Variants in C8orf34 observed in about 807,000 individuals in gnomAD.
The protein encoded by C8orf34 is uncharacterized protein C8orf34.
C8orf34 carries 65 observed loss-of-function variants against 68.3 expected under a neutral mutation model. The observed-to-expected ratio is 0.95, with a 90% confidence interval of 0.78 to 1.17. C8orf34 has a LOEUF of 1.17. C8orf34 is among the 50% of genes most tolerant of loss of function. C8orf34 has a pLI of 0.00. For synonymous variants in C8orf34, 244 were observed against 241.2 expected (o/e 1.01, Z -0.11); for missense variants, 664 against 655.4 (o/e 1.01, Z -0.14).
Position 68,441,084 on chromosome 8 carries a change from A to G in C8orf34, c.475+1438A>G, listed in dbSNP as rs571962474. On this transcript the variant is annotated intron_variant, in intron 2 of 13. Coordinates refer to ENST00000518698, the MANE Select transcript of C8orf34 (RefSeq NM_052958.4). Reference sequence around the variant, plus strand: ...CTCCCAAAGTGCTGGGATTACAGGCATGAGCCACCATGCCCTGCCAACTCT... The same window carrying G: ...CTCCCAAAGTGCTGGGATTACAGGCGTGAGCCACCATGCCCTGCCAACTCT... Among the ~76,000 whole-genome samples the G allele has an allele frequency of 7.4e-4, 112 of 150,984 alleles. 1 individual carries two copies. The highest frequency in any genetic ancestry group is 1.6e-3 in the East Asian group (8 of 5,074).
chr8:68,400,288 T>C (rs1808890884), intron 1 of C8orf34, among the ~76,000 whole-genome samples: 1 of 152,166 alleles, frequency 6.6e-6, no homozygotes, highest in African/African-American at 2.4e-5. Flanking sequence ...TTTAATATTT[T>C]TATAGTTTCA....
At chr8:68,551,116 C>G (rs562706118) in intron 7 of C8orf34, among the ~76,000 whole-genome samples, 42 of 151,890 alleles carry the variant, frequency 2.8e-4, no homozygotes, top group Middle Eastern at 6.8e-3. Context: ...TTCTCTCTTT[C>G]CTCTCTTCCT....
intron 7 of C8orf34, among the ~76,000 whole-genome samples, chr8:68,631,441 T>C (rs1264199668): frequency 6.6e-6 from 1 of 152,096 alleles, no homozygotes; most frequent in East Asian, 1.9e-4. Flanking sequence ...AATTGATATG[T>C]TCCTGCATGA....
intron 1 of C8orf34, among the ~76,000 whole-genome samples, chr8:68,355,660 G>C (rs1468070897): frequency 6.6e-6 from 1 of 152,052 alleles, no homozygotes; most frequent in Non-Finnish European, 1.5e-5. Context: ...TTGTAGCTCT[G>C]GTATCTATAG....
At chr8:68,387,489 T>A (rs892840180) in intron 1 of C8orf34, among the ~76,000 whole-genome samples, 6 of 152,082 alleles carry the variant, frequency 3.9e-5, no homozygotes, top group African/African-American at 1.4e-4. Context: ...ATCCTGAAGT[T>A]TCAAATATGG....
intron 1 of C8orf34, among the ~76,000 whole-genome samples, chr8:68,377,351 T>A (rs1807846911): frequency 6.6e-6 from 1 of 152,040 alleles, no homozygotes; most frequent in African/African-American, 2.4e-5. Context: ...TGAGCCATAT[T>A]CATGCCACTG....
At chr8:68,494,423 G>A (rs1390166687) in intron 5 of C8orf34, among the ~76,000 whole-genome samples, 1 of 152,178 alleles carries the variant, frequency 6.6e-6, no homozygotes, top group African/African-American at 2.4e-5. Flanking sequence ...ATTTTGCAAG[G>A]TGAAAGATGT....
At chr8:68,522,936 G>A (rs967325584) in intron 6 of C8orf34, among the ~76,000 whole-genome samples, 3 of 152,204 alleles carry the variant, frequency 2.0e-5, no homozygotes, top group Admixed American at 2.0e-4. Context: ...ACCAATAACT[G>A]TTCTTTCTCA....
chr8:68,599,856 A>ATG (rs1334500073), intron 7 of C8orf34, among the ~76,000 whole-genome samples: 4 of 152,174 alleles, frequency 2.6e-5, no homozygotes, highest in African/African-American at 9.6e-5. Context: ...AAAAAAGTAT[A>ATG]TGTGTGTGTA....
intron 1 of C8orf34, among the ~76,000 whole-genome samples, chr8:68,382,902 A>G (rs1330359908): frequency 6.6e-6 from 1 of 152,184 alleles, no homozygotes; most frequent in Non-Finnish European, 1.5e-5. Context: ...TCTACTTTGC[A>G]TCCGTGCACT....
At chr8:68,784,786 TTGTGTATGTG>T (rs892142371) in intron 11 of C8orf34, among the ~76,000 whole-genome samples, 11 of 121,392 alleles carry the variant, frequency 9.1e-5, no homozygotes, top group Non-Finnish European at 1.4e-4. Flanking sequence ...ACTTCCATCA[TTGTGTATGTG>T]TGTGTATGTG....
intron 1 of C8orf34, among the ~76,000 whole-genome samples, chr8:68,427,388 A>G (rs569206504): frequency 6.6e-6 from 1 of 152,362 alleles, no homozygotes; most frequent in East Asian, 1.9e-4. Context: ...ATTTATATGC[A>G]TAACAACGTG....
chr8:68,546,001 AT>A (rs1403885198), intron 7 of C8orf34, among the ~76,000 whole-genome samples: 2 of 152,114 alleles, frequency 1.3e-5, no homozygotes, highest in Non-Finnish European at 2.9e-5. Context: ...GTGATATAAT[AT>A]TTTTTGTAAG....
chr8:68,392,528 AT>A (rs149725427), intron 1 of C8orf34, among the ~76,000 whole-genome samples: 6,054 of 152,102 alleles, frequency 0.04, 236 homozygotes, highest in African/African-American at 0.1. Context: ...TATAAAAAAA[AT>A]GTTCTGCCTA....
chr8:68,560,793 G>C (rs1422811556), intron 7 of C8orf34, among the ~76,000 whole-genome samples: 1 of 152,008 alleles, frequency 6.6e-6, no homozygotes, highest in Admixed American at 6.6e-5. Context: ...AGTTGCTCTG[G>C]GTGAGTCAAG....
intron 1 of C8orf34, among the ~76,000 whole-genome samples, chr8:68,428,596 T>C (rs2129624525): frequency 6.6e-6 from 1 of 152,068 alleles, no homozygotes; most frequent in Non-Finnish European, 1.5e-5. Flanking sequence ...AGAAAAAATT[T>C]CAGTCAAAAA....
chr8:68,557,270 C>T (rs1348661808), intron 7 of C8orf34, among the ~76,000 whole-genome samples: 1 of 152,132 alleles, frequency 6.6e-6, no homozygotes, highest in Non-Finnish European at 1.5e-5. Context: ...TAATTTTACA[C>T]TGAAAAATCC....
At chr8:68,472,150 G>A (rs978221113) in intron 4 of C8orf34, among the ~76,000 whole-genome samples, 3 of 152,154 alleles carry the variant, frequency 2.0e-5, no homozygotes, top group South Asian at 2.1e-4. Context: ...AAAGGCAGAC[G>A]TGTTAGAATG....
intron 3 of C8orf34, among the ~76,000 whole-genome samples, chr8:68,467,712 A>G (rs185786238): frequency 4.6e-5 from 7 of 152,114 alleles, no homozygotes; most frequent in Admixed American, 4.6e-4. Context: ...CTTTTGCAAG[A>G]TAAATTTTTC....
Sources: allele counts gnomAD v4.1 joint callset (sites outside exome capture counted in the v4.1 genomes callset), GRCh38; gene constraint gnomAD v4.1.1; transcripts MANE v1.5; gene names NCBI Gene and HGNC (gene_info 2026-07-23, HGNC 2026-07-21).